The following TCERG1L variants were observed in gnomAD, a reference collection of about 807,000 sequenced individuals.
TCERG1L encodes transcription elongation regulator 1 like.
In TCERG1L, 37 loss-of-function variants were observed where a neutral mutation model predicts 56.3. The observed-to-expected ratio is 0.66, with a 90% confidence interval of 0.51 to 0.87. The LOEUF (loss-of-function observed/expected upper bound fraction) is 0.87. Ranked by LOEUF, TCERG1L falls within the 40% of genes least tolerant of loss-of-function variation. The pLI, the probability that TCERG1L is intolerant of heterozygous loss-of-function variation, is 0.00. For synonymous variants in TCERG1L, 324 were observed against 326.3 expected, an observed-to-expected ratio of 0.99 and a Z score of 0.08; for missense variants, 799 against 774.2, an observed-to-expected ratio of 1.03 and a Z score of -0.38.
chr10:131,162,084 G>T (rs1589732778), intron 6 of TCERG1L: 1 of 152,304 alleles, frequency 6.6e-6, no homozygotes, highest in South Asian at 2.1e-4. Flanking sequence ...GGCCCCATTT[G>T]CAGCCAATGT....
At chr10:131,254,853 T>G (rs1846151597) in intron 4 of TCERG1L, among the ~76,000 whole-genome samples, 1 of 152,124 alleles carries the variant, frequency 6.6e-6, no homozygotes, top group African/African-American at 2.4e-5. Context: ...GAAACAAGTG[T>G]TTTTGTTTTG....
intron 4 of TCERG1L, among the ~76,000 whole-genome samples, chr10:131,170,208 T>C (rs1846074849): frequency 6.6e-6 from 1 of 152,094 alleles, no homozygotes; most frequent in East Asian, 1.9e-4. Context: ...GGTCTGCGTG[T>C]CAGCCATTCC....
chr10:131,166,649 C>G, intron 5 of TCERG1L, 148 bp downstream of exon 5: 1 of 783,734 alleles, frequency 1.3e-6, no homozygotes. Flanking sequence ...CGCCTGGCCC[C>G]TTCAGTGCCA....
intron 11 of TCERG1L, 49 bp downstream of exon 11, chr10:131,098,256 TG>T: frequency 6.5e-7 from 1 of 1,529,576 alleles, no homozygotes; most frequent in Non-Finnish European, 8.8e-7. Flanking sequence ...CTCTTGTCAT[TG>T]GTAAGTTCCC....
chr10:131,109,474 GTGTC>G (rs1166318780), intron 9 of TCERG1L, among the ~76,000 whole-genome samples: 1 of 152,072 alleles, frequency 6.6e-6, no homozygotes, highest in Non-Finnish European at 1.5e-5. Flanking sequence ...GGCTGTGTCT[GTGTC>G]TGTGTCTGTG....
chr10:131,237,846 G>A (rs1018860552), intron 4 of TCERG1L, among the ~76,000 whole-genome samples: 1 of 152,110 alleles, frequency 6.6e-6, no homozygotes, highest in African/African-American at 2.4e-5. Flanking sequence ...GCAAGTCTTC[G>A]TGTTCTTTGA....
chr10:131,099,988 C>G (rs1208357410), intron 10 of TCERG1L, among the ~76,000 whole-genome samples: 1 of 152,150 alleles, frequency 6.6e-6, no homozygotes, highest in African/African-American at 2.4e-5. Flanking sequence ...CTCAGCCTCC[C>G]AAGTAGCTGG....
intron 8 of TCERG1L, among the ~76,000 whole-genome samples, chr10:131,127,294 T>A (rs1446680186): frequency 6.6e-6 from 1 of 152,104 alleles, no homozygotes; most frequent in Non-Finnish European, 1.5e-5. Flanking sequence ...CGTGGGCAAC[T>A]CCAGGCCAAA....
At chr10:131,189,524 G>A (rs1000509922) in intron 4 of TCERG1L, among the ~76,000 whole-genome samples, 12 of 152,096 alleles carry the variant, frequency 7.9e-5, no homozygotes, top group Admixed American at 7.9e-4. Context: ...ATTTTTTATG[G>A]CTGAATAGTA....
In TCERG1L at chr10:131,115,048, G is replaced by A. The variant is rs547894131; in HGVS notation, c.1395+1751C>T. Among the ~76,000 whole-genome samples the A allele has an allele frequency of 1.3e-3, 203 of 152,312 alleles. 1 individual carries two copies. The Middle Eastern group carries it at 0.02, about 15-fold the overall frequency. ...CACAAAACGGCCTCTCCTGCCTCTC[G>A]CCCAATGACACCCCTGAACCTGACC... On this transcript the variant is annotated intron_variant, in intron 9 of 11. Transcript: ENST00000368642.
chr10:131,230,383 C>T (rs1845836233), intron 4 of TCERG1L, among the ~76,000 whole-genome samples: 1 of 152,230 alleles, frequency 6.6e-6, no homozygotes, highest in Non-Finnish European at 1.5e-5. Flanking sequence ...TGGGTGACCG[C>T]AGCACGTGCA....
intron 6 of TCERG1L, among the ~76,000 whole-genome samples, chr10:131,148,469 CAT>C (rs1456827745): frequency 1.4e-5 from 2 of 141,476 alleles, no homozygotes; most frequent in Admixed American, 6.9e-5. Flanking sequence ...CACACAGACA[CAT>C]ACACAGACAC....
intron 3 of TCERG1L, among the ~76,000 whole-genome samples, chr10:131,287,888 C>T (rs1022412377): frequency 4.6e-5 from 7 of 152,186 alleles, no homozygotes; most frequent in East Asian, 1.9e-4. Context: ...ATTTTGAACC[C>T]GGCAGTCTGT....
intron 9 of TCERG1L, among the ~76,000 whole-genome samples, chr10:131,110,461 A>C (rs967633596): frequency 3.2e-4 from 48 of 152,294 alleles, no homozygotes; most frequent in African/African-American, 1.1e-3. Flanking sequence ...CTGAGCTGTG[A>C]GTGGCTCCCA....
chr10:131,204,525 G>A (rs1216729747), intron 4 of TCERG1L, among the ~76,000 whole-genome samples: 1 of 152,200 alleles, frequency 6.6e-6, no homozygotes, highest in Non-Finnish European at 1.5e-5. Flanking sequence ...GTACAGTGGA[G>A]AAACTGTCCG....
chr10:131,223,765 T>C (rs1209562950), intron 4 of TCERG1L, among the ~76,000 whole-genome samples: 1 of 151,800 alleles, frequency 6.6e-6, no homozygotes, highest in African/African-American at 2.4e-5. Flanking sequence ...ACTGCACATC[T>C]CCTTCCAGCT....
intron 10 of TCERG1L, among the ~76,000 whole-genome samples, chr10:131,099,054 G>C (rs1478830269): frequency 6.6e-6 from 1 of 152,206 alleles, no homozygotes; most frequent in Admixed American, 6.5e-5. Flanking sequence ...CAGGATGCCA[G>C]GCTGCCTGGG....
At chr10:131,146,374 A>C (rs1845794255) in intron 7 of TCERG1L, 132 bp downstream of exon 7, 2 of 1,036,738 alleles carry the variant, frequency 1.9e-6, no homozygotes, top group South Asian at 2.7e-5. Context: ...TAAACTCTGC[A>C]ATCGGGCACA....
intron 8 of TCERG1L, among the ~76,000 whole-genome samples, chr10:131,130,009 G>A (rs963398739): frequency 5.3e-5 from 8 of 150,450 alleles, no homozygotes; most frequent in African/African-American, 1.7e-4. Context: ...TGATCCAATC[G>A]CCTCCCACAA....
Sources: gnomAD v4.1 joint callset for allele counts (sites outside exome capture counted in the v4.1 genomes callset) on GRCh38, gnomAD v4.1.1 for gene constraint, MANE v1.5 for transcripts, NCBI Gene and HGNC (gene_info 2026-07-23, HGNC 2026-07-21) for gene names.